ANKRD28: variants seen among roughly 807,000 people sequenced by gnomAD.
ANKRD28 encodes serine/threonine-protein phosphatase 6 regulatory ankyrin repeat subunit A.
In ANKRD28, 44 loss-of-function variants were observed where a neutral mutation model predicts 126.5. The observed-to-expected ratio is 0.35, with a 90% confidence interval of 0.27 to 0.45. The LOEUF (loss-of-function observed/expected upper bound fraction) is 0.45, where lower values mean the gene tolerates loss of function less well. Among genes scored for constraint, ANKRD28 ranks in the 20% least tolerant of loss-of-function variants. The pLI is 1.00. For synonymous variants in ANKRD28, 442 were observed against 468.5 expected, an observed-to-expected ratio of 0.94 and a Z score of 0.73; for missense variants, 1,110 against 1,316.6, an observed-to-expected ratio of 0.84 and a Z score of 2.43.
intron 2 of ANKRD28, among the ~76,000 whole-genome samples, chr3:15,790,877 T>C (rs1427778275): frequency 6.6e-6 from 1 of 152,126 alleles, no homozygotes; most frequent in Non-Finnish European, 1.5e-5. Flanking sequence ...TATAATCTTA[T>C]ATTTGGAAAA....
chr3:15,724,580 TATA>T, intron 6 of ANKRD28, 56 bp from the exon 7 acceptor site: 2 of 1,456,032 alleles, frequency 1.4e-6, no homozygotes, highest in Non-Finnish European at 1.8e-6. Context: ...AACTATTAAA[TATA>T]ATCCCAAATA....
upstream of ANKRD28, chr3:15,798,121 G>A (rs924328762): frequency 1.5e-5 from 15 of 985,344 alleles, no homozygotes; most frequent in African/African-American, 3.5e-5. Context: ...AAATGAGTGC[G>A]CTTTTAACAT....
chr3:15,776,978 GA>G (rs1559513149), intron 2 of ANKRD28, among the ~76,000 whole-genome samples: 1 of 152,066 alleles, frequency 6.6e-6, no homozygotes, highest in Middle Eastern at 3.4e-3. Flanking sequence ...TGTTCAAAAT[GA>G]AAAAAAGTCA....
rs1559390723 is a variant in ANKRD28, at chr3:15,714,545, A to C, written c.1075+33T>G. ...TACTACATTTAAGAAAAAAAAAAAA[A>C]AACCCCAAAAAAAAAACAGAAATAC... On this transcript the variant is annotated intron_variant, in intron 9 of 27. Transcript: ENST00000683139. 8 of 1,502,688 alleles carry C rather than the reference A, an allele frequency of 5.3e-6. No homozygotes were observed. In the African/African-American group the frequency reaches 8.6e-5, roughly 16 times the overall value. The allele number at this position is 1,502,688 out of a possible 1,614,324, so 93.1% of individuals were successfully genotyped here.
intron 6 of ANKRD28, among the ~76,000 whole-genome samples, chr3:15,724,755 G>A (rs1203422422): frequency 6.6e-6 from 1 of 152,076 alleles, no homozygotes; most frequent in Non-Finnish European, 1.5e-5. Flanking sequence ...GAAGTGGGAG[G>A]ATCACTTGAG....
intron 1 of ANKRD28, among the ~76,000 whole-genome samples, chr3:15,806,121 G>A (rs554595710): frequency 6.6e-6 from 1 of 152,284 alleles, no homozygotes; most frequent in Admixed American, 6.5e-5. Context: ...AAAGAAGGAA[G>A]GTATGTTTGT....
At chr3:15,847,262 GA>G (rs2061550176) in intron 1 of ANKRD28, among the ~76,000 whole-genome samples, 1 of 152,274 alleles carries the variant, frequency 6.6e-6, no homozygotes, top group African/African-American at 2.4e-5. Flanking sequence ...AAAAAGTGAT[GA>G]AAAAATTAAG....
chr3:15,801,310 T>G (rs2060460618), upstream of ANKRD28, among the ~76,000 whole-genome samples: 1 of 152,170 alleles, frequency 6.6e-6, no homozygotes, highest in Non-Finnish European at 1.5e-5. This position sits in a 1 kb window ranked among gnomAD's most constrained non-coding sequence, Gnocchi z 4.9. Flanking sequence ...TTCCTAATTG[T>G]TACACCTGAA....
intron 17 of ANKRD28, among the ~76,000 whole-genome samples, chr3:15,693,520 G>T (rs1212517525): frequency 1.3e-5 from 2 of 152,138 alleles, no homozygotes; most frequent in Non-Finnish European, 2.9e-5. Flanking sequence ...TCTTTAATAT[G>T]CTACTAGTTG....
chr3:15,780,070 G>A (rs1339699210), intron 2 of ANKRD28, among the ~76,000 whole-genome samples: 1 of 152,050 alleles, frequency 6.6e-6, no homozygotes, highest in South Asian at 2.1e-4. Context: ...GCAAGTCCTA[G>A]CCAGAACAAT....
At chr3:15,788,146 A>C (rs995765326) in intron 2 of ANKRD28, among the ~76,000 whole-genome samples, 1 of 152,186 alleles carries the variant, frequency 6.6e-6, no homozygotes, top group Admixed American at 6.6e-5. Flanking sequence ...CTACCAAAAA[A>C]ATATGGCACT....
At chr3:15,790,497 C>T (rs901858883) in intron 2 of ANKRD28, among the ~76,000 whole-genome samples, 7 of 151,856 alleles carry the variant, frequency 4.6e-5, no homozygotes, top group African/African-American at 1.7e-4. Context: ...AACACAAAAT[C>T]AATTAACATG....
intron 4 of ANKRD28, among the ~76,000 whole-genome samples, chr3:15,741,153 C>T (rs1034926416): frequency 9.2e-5 from 14 of 151,942 alleles, no homozygotes; most frequent in Non-Finnish European, 1.3e-4. Flanking sequence ...GAGCCGAGAT[C>T]GCGCCATTGC....
At position 15,709,698 on chromosome 3, in the gene ANKRD28, G is replaced by T; in HGVS notation, c.1376C>A (p.Ala459Glu). 1 of 1,584,550 alleles carries T rather than the reference G, an allele frequency of 6.3e-7. No homozygotes were observed. ...ECLNLLLNTG[A>E]DFNKKDKFGR... ...AAATTTGTCCTTTTTATTAAAGTCTGCACCAGTATTCAGCAGAAGGTTTAG... is the reference window on the plus strand; with the variant it reads ...AAATTTGTCCTTTTTATTAAAGTCTTCACCAGTATTCAGCAGAAGGTTTAG... The change falls in exon 13 of 28, where the codon GCA becomes GAA. Residue 459 changes from alanine to glutamate, a missense_variant. Coordinates refer to ENST00000683139, the MANE Select transcript of ANKRD28 (RefSeq NM_001349278.2).
chr3:15,726,895 G>C (rs2074213146), intron 6 of ANKRD28, among the ~76,000 whole-genome samples: 1 of 152,196 alleles, frequency 6.6e-6, no homozygotes, highest in Non-Finnish European at 1.5e-5. Context: ...CAGCCCACAT[G>C]AATTATGCTA....
rs185417717 is a variant in ANKRD28 at position 15,732,808 on chromosome 3, C to G, written c.640+2602G>C. The G allele has an allele frequency of 1.7e-3, 258 of 152,322 alleles. 2 individuals carry two copies. Among genetic ancestry groups the G allele is most frequent in the Middle Eastern group, 0.017 (6 of 356 alleles). The allele number at this position is 152,322 out of a possible 1,614,324, so 9.4% of individuals were successfully genotyped here. A position where few individuals can be genotyped will look rare whatever the true frequency, so the allele number is the denominator to read the frequency against. ...GGGGAAGAAAGTTTATTTTTACAAA[C>G]AAGCCCAAATCCTTGTAACAGATAT... is the stretch of plus-strand genomic sequence containing the variant. On this transcript the variant is annotated intron_variant, in intron 6 of 27. Transcript: ENST00000683139.
Position 15,713,677 on chromosome 3 carries a change from T to C in ANKRD28, c.1076-36A>G, listed in dbSNP as rs368630391. On this transcript the variant is annotated intron_variant, in intron 9 of 27. Coordinates refer to ENST00000683139, the MANE Select transcript of ANKRD28 (RefSeq NM_001349278.2). ...GGACTTACTGTCAGACACTGGACCATATAAAGATCAGGTCAAACGTACTAC... is the reference window on the plus strand; with the variant it reads ...GGACTTACTGTCAGACACTGGACCACATAAAGATCAGGTCAAACGTACTAC... 1.5e-4 allele frequency: 211 copies of C among 1,403,524 alleles called. No homozygotes were observed. The African/African-American group carries it at 2.9e-3, about 19-fold the overall frequency. 86.9% of individuals were successfully genotyped at this position (1,403,524 alleles called of 1,614,324 possible).
intron 7 of ANKRD28, among the ~76,000 whole-genome samples, chr3:15,723,591 G>C (rs2073943556): frequency 6.6e-6 from 1 of 152,032 alleles, no homozygotes; most frequent in African/African-American, 2.4e-5. Flanking sequence ...TCAAGAGTTA[G>C]ACACCAGCCT....
At chr3:15,848,160 A>T (rs1297000227) in intron 1 of ANKRD28, among the ~76,000 whole-genome samples, 1 of 152,230 alleles carries the variant, frequency 6.6e-6, no homozygotes, top group Non-Finnish European at 1.5e-5. Context: ...ATTATCAAAT[A>T]GGCAGATGTT....
Sources: gnomAD v4.1 joint callset for allele counts (sites outside exome capture counted in the v4.1 genomes callset) on GRCh38, gnomAD v4.1.1 for gene constraint, Gnocchi (gnomAD v3.1) non-coding constraint, MANE v1.5 for transcripts, NCBI Gene and HGNC (gene_info 2026-07-23, HGNC 2026-07-21) for gene names.